Variants in NR3C1 observed in about 807,000 individuals in gnomAD.
NR3C1 encodes the protein nuclear receptor subfamily 3 group C member 1.
In NR3C1, 14 loss-of-function variants were observed where a neutral mutation model predicts 74.0. The observed-to-expected ratio is 0.19, with a 90% CI of 0.12 to 0.30. NR3C1 has a LOEUF of 0.30. Ranked by LOEUF, NR3C1 falls within the 10% of genes least tolerant of loss-of-function variation. The pLI, the probability that NR3C1 is intolerant of heterozygous loss-of-function variation, is 1.00. For synonymous variants in NR3C1, 308 were observed against 332.5 expected (o/e 0.93, Z 0.80); for missense variants, 695 against 909.8 (o/e 0.76, Z 3.04).
intron 2 of NR3C1, among the ~76,000 whole-genome samples, chr5:143,366,949 A>C (rs1223992160): frequency 1.3e-5 from 2 of 152,218 alleles, no homozygotes; most frequent in Non-Finnish European, 2.9e-5. Context: ...TATACAGCTT[A>C]CTATACTTAC....
chr5:143,306,302 G>A (rs980827222), intron 4 of NR3C1, among the ~76,000 whole-genome samples: 9 of 152,174 alleles, frequency 5.9e-5, no homozygotes, highest in East Asian at 1.9e-4. Context: ...GGCTATCATC[G>A]AAACTGCTTG....
intron 2 of NR3C1, among the ~76,000 whole-genome samples, chr5:143,330,403 C>T (rs888752237): frequency 6.6e-6 from 1 of 152,066 alleles, no homozygotes; most frequent in African/African-American, 2.4e-5. Context: ...ATAATATTTT[C>T]CTTTTTTCTA....
intron 2 of NR3C1, among the ~76,000 whole-genome samples, chr5:143,335,604 TATTTA>T (rs1826976531): frequency 6.6e-6 from 1 of 152,240 alleles, no homozygotes; most frequent in Non-Finnish European, 1.5e-5. Flanking sequence ...AAACTGCATC[TATTTA>T]TTTTGGGGAT....
intron 2 of NR3C1, among the ~76,000 whole-genome samples, chr5:143,385,389 G>A (rs1837011756): frequency 6.6e-6 from 1 of 152,162 alleles, no homozygotes; most frequent in Admixed American, 6.5e-5. Context: ...CCAGAAAATA[G>A]GTTTTTCTTT....
chr5:143,360,771 G>A (rs980452936), intron 2 of NR3C1, among the ~76,000 whole-genome samples: 2 of 152,118 alleles, frequency 1.3e-5, no homozygotes, highest in Non-Finnish European at 2.9e-5. Flanking sequence ...TATCTCATTA[G>A]GGACTCATCT....
intron 2 of NR3C1, among the ~76,000 whole-genome samples, chr5:143,357,566 CAG>C (rs766004034): frequency 1.3e-5 from 2 of 152,190 alleles, no homozygotes; most frequent in Non-Finnish European, 2.9e-5. Context: ...GAACTACAAA[CAG>C]GGGAATGCCA....
chr5:143,423,462 CAA>C (rs1283648891), intron 1 of NR3C1, among the ~76,000 whole-genome samples: 3 of 152,034 alleles, frequency 2.0e-5, no homozygotes, highest in Admixed American at 1.3e-4. Context: ...CGGATGCTCT[CAA>C]AAGTGTGGAG....
intron 2 of NR3C1, among the ~76,000 whole-genome samples, chr5:143,359,715 C>T (rs1022370629): frequency 1.3e-5 from 2 of 152,068 alleles, no homozygotes; most frequent in African/African-American, 2.4e-5. Context: ...GCCAGGAGTT[C>T]GAGACCAGCC....
intron 4 of NR3C1, among the ~76,000 whole-genome samples, chr5:143,302,551 C>T (rs896375529): frequency 2.0e-5 from 3 of 151,932 alleles, no homozygotes; most frequent in African/African-American, 7.3e-5. Flanking sequence ...ATGCATATTT[C>T]TTTACTCCAC....
At chr5:143,291,610 T>C (rs558077175) in intron 7 of NR3C1, among the ~76,000 whole-genome samples, 34 of 152,344 alleles carry the variant, frequency 2.2e-4, no homozygotes, top group African/African-American at 8.2e-4. Flanking sequence ...CTGATTGGTG[T>C]ACTTAGAGCA....
chr5:143,357,487 A>G (rs1831358877), intron 2 of NR3C1, among the ~76,000 whole-genome samples: 1 of 152,224 alleles, frequency 6.6e-6, no homozygotes, highest in African/African-American at 2.4e-5. Context: ...TTCTACAAAC[A>G]TTTAAAAAGA....
At chr5:143,434,221 C>T (rs1396425437) in intron 1 of NR3C1, among the ~76,000 whole-genome samples, 6 of 152,186 alleles carry the variant, frequency 3.9e-5, no homozygotes, top group Admixed American at 6.5e-5. Context: ...CGCGTTGTCT[C>T]GTTCTCCTTT....
chr5:143,293,447 C>A (rs1241298895), intron 7 of NR3C1, among the ~76,000 whole-genome samples: 2 of 152,080 alleles, frequency 1.3e-5, no homozygotes, highest in Non-Finnish European at 2.9e-5. Flanking sequence ...ATGGGTGCAC[C>A]AAAATCCCAG....
chr5:143,283,358 A>G lies in NR3C1; in HGVS notation c.2024-633T>C, dbSNP rs9324912. Among the ~76,000 whole-genome samples, 666 of 152,336 alleles carry G rather than the reference A, an allele frequency of 4.4e-3. 2 individuals carry two copies. Among genetic ancestry groups the G allele is most frequent in the African/African-American group, 0.015 (636 of 41,580 alleles). On this transcript the variant is annotated intron_variant, in intron 7 of 8. Transcript: ENST00000394464. ...GAGTAAATCACTTGATTTCTCATCT[A>G]TAAAATGGAAGTGGTGATGATACAC...
intron 7 of NR3C1, 52 bp from the exon 8 acceptor site, chr5:143,282,777 C>CTTT (rs371512572): frequency 1.3e-4 from 168 of 1,325,126 alleles, no homozygotes; most frequent in East Asian, 1.9e-4. Flanking sequence ...CTTTTCTTTT[C>CTTT]TTTTTTTTTT....
chr5:143,409,129 G>T (rs1311408764), intron 1 of NR3C1: 1 of 152,198 alleles, frequency 6.6e-6, no homozygotes, highest in East Asian at 1.9e-4. Flanking sequence ...GTGCAGAAGT[G>T]ACCATGGTTC....
intron 2 of NR3C1, among the ~76,000 whole-genome samples, chr5:143,351,001 G>A (rs1830133597): frequency 6.6e-6 from 1 of 152,100 alleles, no homozygotes; most frequent in South Asian, 2.1e-4. Flanking sequence ...GATTCTGTAA[G>A]GTCAATGAAT....
intron 2 of NR3C1, chr5:143,332,936 G>T: frequency 6.4e-7 from 1 of 1,569,088 alleles, no homozygotes; most frequent in Non-Finnish European, 8.7e-7. Context: ...CAAATCTGAA[G>T]TCTGTCCGAG....
chr5:143,332,904 C>A (rs939257698), intron 2 of NR3C1: 2 of 1,504,058 alleles, frequency 1.3e-6, no homozygotes, highest in Non-Finnish European at 1.8e-6. Flanking sequence ...TATAGTGGAA[C>A]CTTATGTGAC....
Sources: gnomAD v4.1 joint callset for allele counts (sites outside exome capture counted in the v4.1 genomes callset) on GRCh38, gnomAD v4.1.1 for gene constraint, MANE v1.5 for transcripts, NCBI Gene and HGNC (gene_info 2026-07-23, HGNC 2026-07-21) for gene names.